Variants in C1QTNF3 observed in about 807,000 individuals in gnomAD.
C1QTNF3 encodes the protein complement C1q tumor necrosis factor-related protein 3.
A neutral mutation model predicts 32.6 loss-of-function variants in C1QTNF3; 26 were observed. The observed-to-expected ratio is 0.80, with a 90% CI of 0.58 to 1.11. The LOEUF is 1.11. Among genes scored for constraint, C1QTNF3 ranks in the 50% least tolerant of loss-of-function variants. The probability of loss-of-function intolerance (pLI) is 0.00; values close to 1 mark genes in which losing one functional copy is unlikely to be tolerated. For missense variants in C1QTNF3, 362 were observed against 398.2 expected (o/e 0.91, Z 0.77); for synonymous variants, 155 against 146.0 (o/e 1.06, Z -0.44).
the C1QTNF3 span, among the ~76,000 whole-genome samples, chr5:34,072,730 A>T: frequency 6.6e-6 from 1 of 152,198 alleles, no homozygotes; most frequent in Non-Finnish European, 1.5e-5. Context: ...TGGTTGTTGC[A>T]AATTTTTTTC....
the C1QTNF3 span, among the ~76,000 whole-genome samples, chr5:34,185,461 G>A: frequency 1.3e-5 from 2 of 152,406 alleles, no homozygotes; most frequent in South Asian, 2.1e-4. Context: ...CAGCACTCAC[G>A]CCTGAATGGA....
At chr5:34,069,706 G>T in the C1QTNF3 span, among the ~76,000 whole-genome samples, 1 of 152,146 alleles carries the variant, frequency 6.6e-6, no homozygotes, top group African/African-American at 2.4e-5. Context: ...AAATGTGTGA[G>T]GTTATATCAT....
Position 34,043,111 on chromosome 5 carries a change from C to T in C1QTNF3, c.15G>A (p.Gln5=), listed in dbSNP as rs1450945892. MLWR[Q]LIYWQLLALF... ...AAGCCAGCAGTTGCCAATAGATGAG[C>T]TGCCTCCAAAGCATGATTCTCAACA... The change falls in exon 1 of 6, where the codon CAG becomes CAA. Residue 5 remains glutamine, a synonymous_variant. Transcript: ENST00000382065. The T allele has an allele frequency of 1.2e-6, 2 of 1,612,468 alleles. No homozygotes were observed. The highest frequency in any genetic ancestry group is 1.7e-5 in the Admixed American group (1 of 60,002).
chr5:34,099,109 G>A, the C1QTNF3 span, among the ~76,000 whole-genome samples: 3 of 152,066 alleles, frequency 2.0e-5, no homozygotes, highest in Non-Finnish European at 2.9e-5. Context: ...GGCACCGAGA[G>A]ACTTTAAAGT....
the C1QTNF3 span, among the ~76,000 whole-genome samples, chr5:34,077,603 T>C: frequency 6.6e-6 from 1 of 151,736 alleles, no homozygotes; most frequent in Admixed American, 6.6e-5. Flanking sequence ...AATAATTCTT[T>C]AAAAGTTTAA....
chr5:34,244,090 T>A, the C1QTNF3 span, among the ~76,000 whole-genome samples: 16 of 148,044 alleles, frequency 1.1e-4, no homozygotes, highest in East Asian at 3.1e-3. Context: ...TAATTCATAG[T>A]CTCTTATGTC....
chr5:34,054,536 C>T, the C1QTNF3 span, among the ~76,000 whole-genome samples: 1 of 152,160 alleles, frequency 6.6e-6, no homozygotes, highest in Admixed American at 6.5e-5. Flanking sequence ...TCCAACAAAA[C>T]TTTATTTATA....
At chr5:34,096,880 T>C in the C1QTNF3 span, among the ~76,000 whole-genome samples, 1 of 150,638 alleles carries the variant, frequency 6.6e-6, no homozygotes, top group Non-Finnish European at 1.5e-5. Context: ...TGTCTTTGGA[T>C]GCAAATCTTG....
chr5:34,085,939 G>A, the C1QTNF3 span, among the ~76,000 whole-genome samples: 1 of 150,800 alleles, frequency 6.6e-6, no homozygotes, highest in South Asian at 2.1e-4. Context: ...CCATTACTGG[G>A]TACATACCCA....
the C1QTNF3 span, among the ~76,000 whole-genome samples, chr5:34,221,370 A>C: frequency 6.6e-6 from 1 of 152,100 alleles, no homozygotes; most frequent in Non-Finnish European, 1.5e-5. Context: ...CAAATCATTT[A>C]ATTTTATTGT....
chr5:34,030,392 C>T (rs867058196), intron 3 of C1QTNF3, among the ~76,000 whole-genome samples: 2 of 152,182 alleles, frequency 1.3e-5, no homozygotes, highest in South Asian at 4.2e-4. Context: ...TATTTGGGTC[C>T]AAAGATATGA....
chr5:34,197,412 C>A, the C1QTNF3 span, among the ~76,000 whole-genome samples: 18 of 152,096 alleles, frequency 1.2e-4, no homozygotes, highest in African/African-American at 3.9e-4. Flanking sequence ...AAAGAAATCC[C>A]AAAATAAATA....
the C1QTNF3 span, among the ~76,000 whole-genome samples, chr5:34,162,996 C>T: frequency 2.0e-5 from 3 of 152,114 alleles, no homozygotes; most frequent in African/African-American, 7.2e-5. Context: ...TTCTTGCATT[C>T]AATTACACAT....
At chr5:34,102,928 A>T in the C1QTNF3 span, among the ~76,000 whole-genome samples, 1 of 151,804 alleles carries the variant, frequency 6.6e-6, no homozygotes, top group African/African-American at 2.4e-5. Context: ...ACATGTATAC[A>T]TATGTAACAA....
chr5:34,077,869 G>A, the C1QTNF3 span, among the ~76,000 whole-genome samples: 4 of 151,372 alleles, frequency 2.6e-5, no homozygotes, highest in African/African-American at 9.8e-5. Context: ...CGTTAACCTG[G>A]TTGCAACTAT....
the C1QTNF3 span, among the ~76,000 whole-genome samples, chr5:34,103,284 T>G: frequency 8.5e-4 from 129 of 152,098 alleles, 1 homozygote; most frequent in Non-Finnish European, 1.3e-3. Flanking sequence ...TTGTGTGTGT[T>G]TTTTTTTATT....
At chr5:34,230,429 G>T in the C1QTNF3 span, among the ~76,000 whole-genome samples, 1 of 152,134 alleles carries the variant, frequency 6.6e-6, no homozygotes, top group African/African-American at 2.4e-5. Flanking sequence ...CATGTTTCAT[G>T]ATGGTCAATG....
At chr5:34,195,254 T>A in the C1QTNF3 span, among the ~76,000 whole-genome samples, 2 of 152,214 alleles carry the variant, frequency 1.3e-5, no homozygotes, top group Non-Finnish European at 2.9e-5. Context: ...TGTCAATATG[T>A]GAAATAAAAT....
the C1QTNF3 span, among the ~76,000 whole-genome samples, chr5:34,057,305 C>G: frequency 2.6e-5 from 4 of 152,232 alleles, no homozygotes; most frequent in Admixed American, 2.6e-4. Flanking sequence ...TAAGAATAAT[C>G]TAGAACAATG....
Sources: allele counts gnomAD v4.1 joint callset (sites outside exome capture counted in the v4.1 genomes callset), GRCh38; gene constraint gnomAD v4.1.1; transcripts MANE v1.5; gene names NCBI Gene and HGNC (gene_info 2026-07-23, HGNC 2026-07-21).